Variants in GAS6 observed in about 807,000 individuals in gnomAD.
GAS6 encodes growth arrest specific 6.
Under a neutral mutation model 75.8 loss-of-function variants are expected in GAS6, and 41 were observed. That is an observed-to-expected ratio of 0.54 (90% CI 0.42 to 0.70). The LOEUF is 0.70. GAS6 is among the 30% of genes least tolerant of loss of function. The pLI is 0.00. For synonymous variants in GAS6, 432 were observed against 412.6 expected (o/e 1.05, Z -0.57); for missense variants, 854 against 940.2 (o/e 0.91, Z 1.20).
At chr13:113,847,089 G>A in intron 3 of GAS6, 1 of 469,704 alleles carries the variant, frequency 2.1e-6, no homozygotes, top group Middle Eastern at 5.0e-4. Flanking sequence ...CACATCCAGG[G>A]ATAACCCGAA....
intron 2 of GAS6, among the ~76,000 whole-genome samples, chr13:113,858,743 G>A (rs1301074128): frequency 6.6e-6 from 1 of 151,966 alleles, no homozygotes; most frequent in African/African-American, 2.4e-5. Context: ...ATGTGTACAT[G>A]TCTGTTAGTA....
chr13:113,828,041 C>T (rs9604496), intron 11 of GAS6, among the ~76,000 whole-genome samples: 28,290 of 151,938 alleles, frequency 0.19, 2,985 homozygotes, highest in South Asian at 0.33. Flanking sequence ...TTTGGGAGGC[C>T]GAGGTGGGCA....
intron 13 of GAS6, 121 bp downstream of exon 13, chr13:113,823,254 C>T: frequency 1.7e-6 from 2 of 1,165,314 alleles, no homozygotes; most frequent in South Asian, 3.1e-5. Context: ...GACCTCTGGT[C>T]AGAGGCTTTG....
chr13:113,848,091 C>T lies in GAS6; in HGVS notation c.256-41G>A, dbSNP rs758540616. 3.1e-6 allele frequency: 5 copies of T among 1,606,950 alleles called. No homozygotes were observed. Among genetic ancestry groups the T allele is most frequent in the Non-Finnish European group, 4.3e-6 (5 of 1,175,542 alleles). On this transcript the variant is annotated intron_variant, in intron 2 of 14. Transcript: ENST00000327773. This position sits in a 1 kb window ranked among gnomAD's most constrained non-coding sequence, Gnocchi z 4.8. ...AAGAAAAGGCAAGCATTGACCGGCACACTACGAGGGTCTCTGAACAACATA... is the reference window on the plus strand; with the variant it reads ...AAGAAAAGGCAAGCATTGACCGGCATACTACGAGGGTCTCTGAACAACATA...
At chr13:113,821,160 G>A (rs2051452843) in intron 14 of GAS6, 142 bp from the exon 15 acceptor site, 1 of 858,644 alleles carries the variant, frequency 1.2e-6, no homozygotes, top group East Asian at 2.7e-5. Context: ...TAACTTCTCG[G>A]TCCCCGTTCG....
rs550048095 is a variant in GAS6 at position 113,821,095 on chromosome 13, C to T, written c.1883-77G>A. 2.1e-5 allele frequency: 32 copies of T among 1,507,972 alleles called. No individual in the cohort carries two copies. In the African/African-American group the frequency reaches 3.6e-4, roughly 17 times the overall value. The allele number at this position is 1,507,972 out of a possible 1,614,324, so 93.4% of individuals were successfully genotyped here. A position where few individuals can be genotyped will look rare whatever the true frequency, so the allele number is the denominator to read the frequency against. On this transcript the variant is annotated intron_variant, in intron 14 of 14. Coordinates refer to ENST00000327773, the MANE Select transcript of GAS6 (RefSeq NM_000820.4). Reference sequence around the variant, plus strand: ...CGCCTGGCCCCCCCACCCCCGGCAGCGCTTGTGGCCAGCCCCGGGTTCCCT... The same window carrying T: ...CGCCTGGCCCCCCCACCCCCGGCAGTGCTTGTGGCCAGCCCCGGGTTCCCT...
At chr13:113,834,221 T>TCGGTCATGCTGTGACAGGCAC (rs1566360832) in intron 8 of GAS6, among the ~76,000 whole-genome samples, 1 of 148,878 alleles carries the variant, frequency 6.7e-6, no homozygotes, top group African/African-American at 2.5e-5. Context: ...GTGTGACAGG[T>TCGGTCATGCTGTGACAGGCAC]CGGTGTGACA....
At position 113,828,003 on chromosome 13, in the gene GAS6, C is replaced by T. The variant is rs548803587; in HGVS notation, c.1308+544G>A. ...GTTAAAGAATAATTTCGGCCGGGCGCGGTGGCTCACGCCTGTAATCCCAGC... is the reference window on the plus strand; with the variant it reads ...GTTAAAGAATAATTTCGGCCGGGCGTGGTGGCTCACGCCTGTAATCCCAGC... On this transcript the variant is annotated intron_variant, in intron 11 of 14. Transcript: ENST00000327773. 2.7e-4 allele frequency among the ~76,000 whole-genome samples: 41 copies of T among 152,298 alleles called. 1 individual carries two copies. The highest frequency in any genetic ancestry group is 2.5e-3 in the East Asian group (13 of 5,192).
chr13:113,842,410 G>GAGGACC, intron 4 of GAS6: 1 of 394,450 alleles, frequency 2.5e-6, no homozygotes, highest in East Asian at 3.6e-5. Context: ...ACGAGGAAAC[G>GAGGACC]AGGACCAGGA....
chr13:113,839,932 T>TG (rs2051758686), intron 4 of GAS6, 82 bp from the exon 5 acceptor site: 4 of 1,601,364 alleles, frequency 2.5e-6, no homozygotes, highest in Non-Finnish European at 3.4e-6. Flanking sequence ...GGGGCGGCTG[T>TG]GGGGTCTCGG....
At chr13:113,836,740 A>AAGAT (rs2051717942) in intron 6 of GAS6, among the ~76,000 whole-genome samples, 2 of 12,348 alleles carry the variant, frequency 1.6e-4, no homozygotes, top group Admixed American at 1.0e-3. Flanking sequence ...GAGGAGGAGG[A>AAGAT]GGGGGAGGAA....
intron 7 of GAS6, among the ~76,000 whole-genome samples, chr13:113,835,124 C>G (rs1251384905): frequency 6.6e-6 from 1 of 152,248 alleles, no homozygotes; most frequent in African/African-American, 2.4e-5. Context: ...ACTGGGGGCA[C>G]GGCCCCTCTT....
intron 2 of GAS6, among the ~76,000 whole-genome samples, chr13:113,856,191 G>A (rs1250308014): frequency 6.6e-6 from 1 of 152,212 alleles, no homozygotes; most frequent in African/African-American, 2.4e-5. Context: ...GCCGCCCTGT[G>A]CTTTATGCGC....
rs143874054 is a variant in GAS6 at position 113,820,635 on chromosome 13, T to C, written c.*229A>G. 1,922 of 499,754 alleles carry C rather than the reference T, an allele frequency of 3.8e-3. 31 individuals are homozygous for C. The highest frequency in any genetic ancestry group is 0.033 in the African/African-American group (1,746 of 53,058). 31.0% of individuals were successfully genotyped at this position (499,754 alleles called of 1,614,324 possible). ...TAATAAAAATAATAGAGAATTATTT[T>C]CTTCGAGCCCGCTCTGCGCTGCGCC... On this transcript the variant is annotated 3_prime_UTR_variant, in exon 15 of 15. Transcript: ENST00000327773.
chr13:113,853,156 C>A (rs1476210822), intron 2 of GAS6, among the ~76,000 whole-genome samples: 2 of 152,230 alleles, frequency 1.3e-5, no homozygotes, highest in African/African-American at 4.8e-5. Context: ...AGTGCATTAA[C>A]AAGACAGGAA....
intron 2 of GAS6, among the ~76,000 whole-genome samples, chr13:113,851,726 T>C (rs745370036): frequency 1.3e-5 from 2 of 152,222 alleles, no homozygotes; most frequent in Non-Finnish European, 2.9e-5. Context: ...CAGTTTTCAC[T>C]CCCACAGAGC....
chr13:113,828,715 A>T lies in GAS6; in HGVS notation c.1144-4T>A, dbSNP rs764203956. On this transcript the variant is annotated splice_polypyrimidine_tract_variant and splice_region_variant and intron_variant, in intron 10 of 14. Transcript: ENST00000327773. ...GCGCCAGCTCCTCAACAGAGATCTG[A>T]AGAGAGGCAGCGCCATGAGAAAAGA... 1 of 1,612,548 alleles carries T rather than the reference A, an allele frequency of 6.2e-7. No homozygotes were observed. The highest frequency in any genetic ancestry group is 1.1e-5 in the South Asian group (1 of 91,014).
rs1255479902 is a variant in GAS6, at chr13:113,835,508, G to A, written c.712+5C>T. ...AAAGCGAGGGTGACCGCGTGGCGTGGGTACCTCGGCAAGCCTTCTCCTGGG... is the reference window on the plus strand; with the variant it reads ...AAAGCGAGGGTGACCGCGTGGCGTGAGTACCTCGGCAAGCCTTCTCCTGGG... On this transcript the variant is annotated splice_donor_5th_base_variant and intron_variant, in intron 7 of 14. Transcript: ENST00000327773. 1 of 1,612,234 alleles carries A rather than the reference G, an allele frequency of 6.2e-7. No homozygotes were observed. The highest frequency in any genetic ancestry group is 2.2e-5 in the East Asian group (1 of 44,862).
At chr13:113,826,153 G>C (rs932779895) in intron 12 of GAS6, among the ~76,000 whole-genome samples, 17 of 152,172 alleles carry the variant, frequency 1.1e-4, no homozygotes, top group Admixed American at 1.1e-3. Flanking sequence ...ACAGGACTGG[G>C]CCAGCAGCTC....
Sources: gnomAD v4.1 joint callset for allele counts (sites outside exome capture counted in the v4.1 genomes callset) on GRCh38, gnomAD v4.1.1 for gene constraint, Gnocchi (gnomAD v3.1) non-coding constraint, MANE v1.5 for transcripts, NCBI Gene and HGNC (gene_info 2026-07-23, HGNC 2026-07-21) for gene names.